The following C9orf50 variants were observed in gnomAD, a reference collection of about 807,000 sequenced individuals.
C9orf50 encodes chromosome 9 open reading frame 50.
Under a neutral mutation model 42.5 loss-of-function variants are expected in C9orf50, and 33 were observed. The ratio of observed to expected loss-of-function variants is 0.78; its 90% CI spans 0.59 to 1.04. The LOEUF (loss-of-function observed/expected upper bound fraction) is 1.04. Among genes scored for constraint, C9orf50 ranks in the 50% least tolerant of loss-of-function variants. C9orf50 has a pLI of 0.00. For synonymous variants in C9orf50, 257 were observed against 273.4 expected (o/e 0.94, Z 0.59); for missense variants, 547 against 594.3 (o/e 0.92, Z 0.83).
intron 3 of C9orf50, 137 bp downstream of exon 3, chr9:129,619,383 G>C (rs767677850): frequency 5.8e-6 from 4 of 687,644 alleles, no homozygotes; most frequent in Non-Finnish European, 7.6e-6. Context: ...TCTGATTCAC[G>C]GACAGCCATA....
In C9orf50 at chr9:129,614,075, C is replaced by G. The variant is rs751083908; in HGVS notation, c.881-478G>C. Among the ~76,000 whole-genome samples the G allele has an allele frequency of 2.0e-5, 3 of 152,162 alleles. No individual in the cohort carries two copies. Among genetic ancestry groups the G allele is most frequent in the Non-Finnish European group, 2.9e-5 (2 of 68,022 alleles). On this transcript the variant is annotated intron_variant, in intron 4 of 6. Coordinates refer to ENST00000372478, the Ensembl canonical transcript of C9orf50. This position sits in a 1 kb window ranked among gnomAD's most constrained non-coding sequence, Gnocchi z 4.4. ...CACGTCTCCTGGGCACCCTGCTGCC[C>G]GGGACACCATGATAGCTCCTTATGG... is the stretch of plus-strand genomic sequence containing the variant.
Position 129,613,357 on chromosome 9 carries a change from G to C in C9orf50, c.1043+78C>G. On this transcript the variant is annotated intron_variant, in intron 5 of 6. Coordinates refer to ENST00000372478, the Ensembl canonical transcript of C9orf50. This position sits in a 1 kb window ranked among gnomAD's most constrained non-coding sequence, Gnocchi z 6.2. ...ACACTGGCAACCCGCCTGCTGCTGG[G>C]TGGGGAGGTCTGTAGGCAAGGGGGG... The C allele has an allele frequency of 6.3e-7, 1 of 1,580,868 alleles. No homozygotes were observed. Among genetic ancestry groups the C allele is most frequent in the Non-Finnish European group, 8.6e-7 (1 of 1,161,180 alleles).
Position 129,620,302 on chromosome 9 carries a change from C to T in C9orf50, c.273G>A (p.Val91=). 2 of 1,249,504 alleles carry T rather than the reference C, an allele frequency of 1.6e-6. No individual in the cohort carries two copies. The highest frequency in any genetic ancestry group is 2.0e-6 in the Non-Finnish European group (2 of 994,454). 77.4% of individuals were successfully genotyped at this position (1,249,504 alleles called of 1,614,324 possible). ...GGGACCGCAGCAGCCCCCGCTTCCG[C>T]ACGGCCCGCCGGGTCGCGGTGAGCA... The change falls in exon 1 of 7, where the codon GTG becomes GTA. Residue 91 remains valine (V), a synonymous_variant. Transcript: ENST00000372478. The surrounding 1 kb of genome is among the most constrained non-coding windows in gnomAD (Gnocchi z 5.8).
Position 129,613,629 on chromosome 9 carries a change from C to T in C9orf50, c.881-32G>A. The T allele has an allele frequency of 1.2e-6, 2 of 1,612,932 alleles. No individual in the cohort carries two copies. Among genetic ancestry groups the T allele is most frequent in the Non-Finnish European group, 1.7e-6 (2 of 1,179,434 alleles). On this transcript the variant is annotated intron_variant, in intron 4 of 6. Coordinates refer to ENST00000372478, the Ensembl canonical transcript of C9orf50. This position sits in a 1 kb window ranked among gnomAD's most constrained non-coding sequence, Gnocchi z 6.2. ...GAAAGAGGGCAGGGTGAGATCTCTG[C>T]CCAGGAGGAGGGCACTGGTGCCCCC...
At chr9:129,621,392 T>G (rs1830703255), upstream of C9orf50, among the ~76,000 whole-genome samples, 1 of 152,230 alleles carries the variant, frequency 6.6e-6, no homozygotes, top group South Asian at 2.1e-4. Context: ...GGGGTCCTGC[T>G]GTCACCCAGG....
intron 3 of C9orf50, among the ~76,000 whole-genome samples, chr9:129,619,153 GGGT>G (rs1242921680): frequency 6.6e-6 from 1 of 152,194 alleles, no homozygotes; most frequent in African/African-American, 2.4e-5. Flanking sequence ...ATAGATTAAT[GGGT>G]GGACAGAAGG....
At chr9:129,615,358 C>A (rs1372147069) in intron 4 of C9orf50, 126 bp downstream of exon 4, 7 of 1,044,568 alleles carry the variant, frequency 6.7e-6, no homozygotes, top group Admixed American at 3.2e-5. Flanking sequence ...ACATCCTCTG[C>A]AGGATCACTG....
intron 4 of C9orf50, among the ~76,000 whole-genome samples, chr9:129,615,146 G>A (rs1830291762): frequency 6.6e-6 from 1 of 152,212 alleles, no homozygotes; most frequent in Non-Finnish European, 1.5e-5. Context: ...CCTGTAGGCT[G>A]TGGGGACTGC....
chr9:129,619,400 GATGGATGA>G, intron 3 of C9orf50, 112 bp downstream of exon 3: 1 of 745,972 alleles, frequency 1.3e-6, no homozygotes, highest in Non-Finnish European at 2.3e-6. Flanking sequence ...CATATGTAAG[GATGGATGA>G]ATGGGTAGAT....
At chr9:129,612,259 C>T (rs1830129860) in exon 7 of C9orf50, 2 of 1,148,548 alleles carry the variant, frequency 1.7e-6, no homozygotes, top group Admixed American at 4.0e-5. Flanking sequence ...GTCCCAGCCA[C>T]CTGGGATGTG....
At chr9:129,621,279 G>T (rs1830695828), upstream of C9orf50, among the ~76,000 whole-genome samples, 1 of 152,160 alleles carries the variant, frequency 6.6e-6, no homozygotes, top group Non-Finnish European at 1.5e-5. Flanking sequence ...AAATACAGAT[G>T]ACTTACCCCC....
chr9:129,620,392 C>A lies in C9orf50; in HGVS notation c.183G>T (p.Trp61Cys). 2 of 1,229,714 alleles carry A rather than the reference C, an allele frequency of 1.6e-6. No homozygotes were observed. Among genetic ancestry groups the A allele is most frequent in the Non-Finnish European group, 2.0e-6 (2 of 987,260 alleles). 76.2% of individuals were successfully genotyped at this position (1,229,714 alleles called of 1,614,324 possible). Residue 61 changes from tryptophan (W) to cysteine (C), a missense_variant, in exon 1 of 7, where the codon TGG becomes TGT. Trp to Cys is a radical substitution (Grantham distance 215, BLOSUM62 -2). Coordinates refer to ENST00000372478, the Ensembl canonical transcript of C9orf50. This position sits in a 1 kb window ranked among gnomAD's most constrained non-coding sequence, Gnocchi z 5.8. ...CGGGCTTGGCGTCCCCTTCCGGCCA[C>A]CACGCGGCGCCGCCCCCCGGGATCC...
chr9:129,620,487 G>A lies in C9orf50; in HGVS notation c.88C>T (p.Pro30Ser), dbSNP rs1830641838. The change falls in exon 1 of 7, where the codon CCG becomes TCG. Residue 30 changes from proline to serine, a missense_variant. By Grantham distance (74) the Pro-to-Ser change is moderately conservative. This residue lies in a region of C9orf50 where 105 missense variants were observed against 98.5 expected (regional missense o/e 1.07). Transcript: ENST00000372478. The surrounding 1 kb of genome is among the most constrained non-coding windows in gnomAD (Gnocchi z 5.8). ...GGCGGGGTCAGCTTGGGCAGCCGCG[G>A]GTCGCTGCTGCGTCGGAAGTCTCCG... 7.2e-7 allele frequency: 1 copy of A among 1,396,438 alleles called. No individual in the cohort carries two copies. The highest frequency in any genetic ancestry group is 9.3e-7 in the Non-Finnish European group (1 of 1,070,926). 86.5% of individuals were successfully genotyped at this position (1,396,438 alleles called of 1,614,324 possible).
At chr9:129,619,774 G>A (rs778056229) in exon 2 of C9orf50, 1 of 1,614,060 alleles carries the variant, frequency 6.2e-7, no homozygotes, top group Non-Finnish European at 8.5e-7. Flanking sequence ...TTGGGACACC[G>A]CGGAGACCCT....
At chr9:129,617,685 T>A (rs920186939) in intron 3 of C9orf50, among the ~76,000 whole-genome samples, 6 of 152,144 alleles carry the variant, frequency 3.9e-5, no homozygotes, top group African/African-American at 1.4e-4. Context: ...CTGTTTTTGT[T>A]TGTTTGTTTG....
In C9orf50 at chr9:129,615,528, G is replaced by GAA. The variant is rs772526424; in HGVS notation, c.835_836insTT (p.Thr279IlefsTer23). On this transcript the variant is annotated frameshift_variant, in exon 4 of 7. Transcript: ENST00000372478. LOFTEE classifies it high-confidence loss of function. ...GTAGCGGAGCGTTGTGTCCTGCAGGGTCTCGTCAGCGAATCGCACCCGGAA... is the reference window on the plus strand; with the variant it reads ...GTAGCGGAGCGTTGTGTCCTGCAGGGAATCTCGTCAGCGAATCGCACCCGGAA... 1 of 1,610,970 alleles carries GAA rather than the reference G, an allele frequency of 6.2e-7. No individual in the cohort carries two copies. The highest frequency in any genetic ancestry group is 2.2e-5 in the East Asian group (1 of 44,778).
rs1052778015 is a variant in C9orf50 at position 129,614,201 on chromosome 9, C to T, written c.881-604G>A. Among the ~76,000 whole-genome samples the T allele has an allele frequency of 1.3e-5, 2 of 152,190 alleles. No individual in the cohort carries two copies. The highest frequency in any genetic ancestry group is 4.8e-5 in the African/African-American group (2 of 41,436). On this transcript the variant is annotated intron_variant, in intron 4 of 6. Transcript: ENST00000372478. This position sits in a 1 kb window ranked among gnomAD's most constrained non-coding sequence, Gnocchi z 4.4. ...CTGGCCTTGGATTCCCAAGAGGGGC[C>T]CGGGGTCACTCTGGCTTCTATATGT... is the stretch of plus-strand genomic sequence containing the variant.
At chr9:129,616,212 TTTTTGTTTTTG>T (rs1393026462) in intron 3 of C9orf50, among the ~76,000 whole-genome samples, 1 of 151,920 alleles carries the variant, frequency 6.6e-6, no homozygotes, top group Non-Finnish European at 1.5e-5. Context: ...AGGGAGCTGT[TTTTTGTTTTTG>T]TTTTGTTTTT....
Position 129,614,334 on chromosome 9 carries a change from C to A in C9orf50, c.881-737G>T, listed in dbSNP as rs1830240983. On this transcript the variant is annotated intron_variant, in intron 4 of 6. Transcript: ENST00000372478. The surrounding 1 kb of genome is among the most constrained non-coding windows in gnomAD (Gnocchi z 4.4). Reference sequence around the variant, plus strand: ...ACAGCTTCTAACTCCAGCTTCCTGTCACGCTAAGGAGGCTGCGTCAGATCC... The same window carrying A: ...ACAGCTTCTAACTCCAGCTTCCTGTAACGCTAAGGAGGCTGCGTCAGATCC... 3.9e-5 allele frequency among the ~76,000 whole-genome samples: 6 copies of A among 152,222 alleles called. No homozygotes were observed. In the South Asian group the frequency reaches 1.2e-3, roughly 32 times the overall value.
Sources: allele counts gnomAD v4.1 joint callset (sites outside exome capture counted in the v4.1 genomes callset), GRCh38; gene constraint gnomAD v4.1.1; regional missense constraint gnomAD v4.1.1; non-coding constraint Gnocchi (gnomAD v3.1); transcripts MANE v1.5; gene names NCBI Gene and HGNC (gene_info 2026-07-23, HGNC 2026-07-21).